The following CRTAC1 variants were observed in gnomAD, a reference collection of about 807,000 sequenced individuals.
The protein encoded by CRTAC1 is acidic secreted protein in cartilage.
A neutral mutation model predicts 67.8 loss-of-function variants in CRTAC1; 37 were observed. The observed-to-expected ratio is 0.55, with a 90% CI of 0.42 to 0.72. The LOEUF (loss-of-function observed/expected upper bound fraction) is 0.72. CRTAC1 is among the 30% of genes least tolerant of loss of function. The pLI is 0.00. For synonymous variants in CRTAC1, 348 were observed against 371.0 expected (o/e 0.94, Z 0.71); for missense variants, 780 against 931.6 (o/e 0.84, Z 2.12).
intron 2 of CRTAC1, among the ~76,000 whole-genome samples, chr10:97,981,697 T>C (rs2051894474): frequency 6.6e-6 from 1 of 152,240 alleles, no homozygotes; most frequent in Admixed American, 6.5e-5. Context: ...TTTTTTAGGC[T>C]CTTTGTACCT....
At chr10:97,945,995 G>A (rs890716673) in intron 2 of CRTAC1, among the ~76,000 whole-genome samples, 6 of 152,316 alleles carry the variant, frequency 3.9e-5, no homozygotes, top group African/African-American at 1.4e-4. Flanking sequence ...GCACACAGAA[G>A]GCAGGGACTA....
chr10:97,997,468 A>G (rs1262341605), intron 2 of CRTAC1, among the ~76,000 whole-genome samples: 2 of 148,714 alleles, frequency 1.3e-5, no homozygotes, highest in East Asian at 3.9e-4. Context: ...AAAAAAAAAA[A>G]AAAAAAAGTG....
At chr10:97,901,786 G>T in intron 7 of CRTAC1, 147 bp from the exon 8 acceptor site, 1 of 925,024 alleles carries the variant, frequency 1.1e-6, no homozygotes, top group Non-Finnish European at 1.6e-6. Context: ...GGACCTGGGG[G>T]CTGCCTTTAG....
intron 4 of CRTAC1, among the ~76,000 whole-genome samples, chr10:97,919,310 C>T (rs571284858): frequency 6.6e-6 from 1 of 152,178 alleles, no homozygotes; most frequent in African/African-American, 2.4e-5. Flanking sequence ...GGAAGGGCAC[C>T]TAACTATGGG....
intron 2 of CRTAC1, among the ~76,000 whole-genome samples, chr10:97,958,719 G>T (rs1185374875): frequency 6.6e-6 from 1 of 152,188 alleles, no homozygotes; most frequent in Admixed American, 6.5e-5. Flanking sequence ...CAACCAGCAA[G>T]GTTATAATGG....
intron 2 of CRTAC1, among the ~76,000 whole-genome samples, 161 bp from the exon 3 acceptor site, chr10:97,936,527 C>T (rs2051092370): frequency 6.6e-6 from 1 of 152,348 alleles, no homozygotes; most frequent in Middle Eastern, 3.4e-3. Context: ...TCATGGAACC[C>T]TGAGTGTTGG....
intron 2 of CRTAC1, among the ~76,000 whole-genome samples, chr10:97,953,999 A>G (rs1465539844): frequency 6.6e-6 from 1 of 152,196 alleles, no homozygotes; most frequent in Non-Finnish European, 1.5e-5. Context: ...GTGTAGCTGA[A>G]AAATCAATGC....
Position 97,964,888 on chromosome 10 carries a change from GAGA to G in CRTAC1, c.225-28525_225-28523del, listed in dbSNP as rs2051590205. 2.0e-5 allele frequency among the ~76,000 whole-genome samples: 3 copies of G among 152,264 alleles called. No homozygotes were observed. In the South Asian group the frequency reaches 6.2e-4, roughly 32 times the overall value. ...TGTGGTAAGACTAATCTGGTGTCCC[GAGA>G]AGGAGGGCATTTCATTCTACTCATT... On this transcript the variant is annotated intron_variant, in intron 2 of 14. Transcript: ENST00000370597.
chr10:98,020,116 T>G (rs955669677), intron 1 of CRTAC1, among the ~76,000 whole-genome samples: 1 of 152,132 alleles, frequency 6.6e-6, no homozygotes, highest in Non-Finnish European at 1.5e-5. Context: ...ACAATAGCAA[T>G]ACCTGCTAAC....
At chr10:98,011,359 G>A (rs761992326) in intron 1 of CRTAC1, 22 bp from the exon 2 acceptor site, 3 of 1,612,578 alleles carry the variant, frequency 1.9e-6, no homozygotes, top group Admixed American at 3.3e-5. Flanking sequence ...AGTGACAAAT[G>A]TTACCGAAAG....
At chr10:97,998,138 T>C (rs927424657) in intron 2 of CRTAC1, among the ~76,000 whole-genome samples, 2 of 152,118 alleles carry the variant, frequency 1.3e-5, no homozygotes, top group Non-Finnish European at 2.9e-5. Context: ...ACCAGCTAAT[T>C]TATCTTGTAT....
At chr10:97,887,793 C>CCTG (rs1335591912) in intron 11 of CRTAC1, among the ~76,000 whole-genome samples, 2 of 152,222 alleles carry the variant, frequency 1.3e-5, no homozygotes, top group Admixed American at 1.3e-4. Flanking sequence ...GGAGTCCTGG[C>CCTG]CTGCTGTTAA....
chr10:97,921,747 G>A (rs1032405231), intron 4 of CRTAC1, among the ~76,000 whole-genome samples: 10 of 152,084 alleles, frequency 6.6e-5, no homozygotes, highest in Non-Finnish European at 1.2e-4. Flanking sequence ...GGCCAAGGTG[G>A]TGGCTGGACT....
At chr10:97,971,083 T>C (rs568102239) in intron 2 of CRTAC1, among the ~76,000 whole-genome samples, 35 of 152,308 alleles carry the variant, frequency 2.3e-4, no homozygotes, top group African/African-American at 8.2e-4. Flanking sequence ...AACCAAATAA[T>C]AATATCCAAT....
chr10:97,927,265 A>G (rs1309539259), intron 3 of CRTAC1, among the ~76,000 whole-genome samples: 1 of 152,200 alleles, frequency 6.6e-6, no homozygotes, highest in African/African-American at 2.4e-5. Context: ...TCTGATCTCT[A>G]CGAGGTGCCT....
At chr10:97,901,418 C>T in intron 8 of CRTAC1, 85 bp downstream of exon 8, 1 of 1,566,270 alleles carries the variant, frequency 6.4e-7, no homozygotes, top group Non-Finnish European at 8.7e-7. Flanking sequence ...GAACCCTCCC[C>T]TTCTGATTCT....
chr10:97,926,260 C>T lies in CRTAC1; in HGVS notation c.422-2860G>A, dbSNP rs189000158. ...GGGTCACCCTGAGAAAAGCACAGGG[C>T]CCCGACCCAGTCGGCCGGAGTCGCA... On this transcript the variant is annotated intron_variant, in intron 3 of 14. Coordinates refer to ENST00000370597, the MANE Select transcript of CRTAC1 (RefSeq NM_018058.7). 3.5e-4 allele frequency among the ~76,000 whole-genome samples: 54 copies of T among 152,310 alleles called. No homozygotes were observed. In the East Asian group the frequency reaches 0.01, roughly 28 times the overall value.
chr10:97,923,234 C>A (rs749577818), intron 4 of CRTAC1, 30 bp downstream of exon 4: 5 of 1,613,306 alleles, frequency 3.1e-6, no homozygotes, highest in African/African-American at 1.3e-5. Flanking sequence ...TGTGGCTTCT[C>A]CCCAGGACCC....
chr10:97,881,655 G>C (rs2050216351), intron 13 of CRTAC1, among the ~76,000 whole-genome samples: 1 of 137,590 alleles, frequency 7.3e-6, no homozygotes, highest in South Asian at 2.3e-4. Flanking sequence ...CCTGCAGGCA[G>C]AGAAGACTCT....
Sources: gnomAD v4.1 joint callset for allele counts (sites outside exome capture counted in the v4.1 genomes callset) on GRCh38, gnomAD v4.1.1 for gene constraint, MANE v1.5 for transcripts, NCBI Gene and HGNC (gene_info 2026-07-23, HGNC 2026-07-21) for gene names.